RIMS2: variants seen among roughly 807,000 people sequenced by gnomAD.
The protein encoded by RIMS2 is regulating synaptic membrane exocytosis protein 2.
RIMS2 carries 59 observed loss-of-function variants against 174.4 expected under a neutral mutation model. That is an observed-to-expected ratio of 0.34 (90% confidence interval 0.27 to 0.42). The LOEUF (loss-of-function observed/expected upper bound fraction) is 0.42, where lower values mean the gene tolerates loss of function less well. Ranked by LOEUF, RIMS2 falls within the 10% of genes least tolerant of loss-of-function variation. The probability of loss-of-function intolerance (pLI) is 1.00; values close to 1 mark genes in which losing one functional copy is unlikely to be tolerated. For missense variants in RIMS2, 1,620 were observed against 1,666.3 expected, an observed-to-expected ratio of 0.97 and a Z score of 0.48; for synonymous variants, 606 against 572.5, an observed-to-expected ratio of 1.06 and a Z score of -0.84.
intron 19 of RIMS2, among the ~76,000 whole-genome samples, chr8:104,213,743 G>A (rs1009310381): frequency 3.9e-5 from 6 of 151,992 alleles, no homozygotes; most frequent in Admixed American, 1.3e-4. Context: ...TGGGCGTGGT[G>A]GCACGCGCCT....
chr8:104,016,385 A>G (rs1247764357), intron 19 of RIMS2, among the ~76,000 whole-genome samples: 2 of 152,000 alleles, frequency 1.3e-5, no homozygotes, highest in African/African-American at 4.8e-5. Flanking sequence ...GAGCAGCAAT[A>G]TTTTATACCC....
chr8:103,967,485 T>C (rs2154546908), intron 15 of RIMS2, among the ~76,000 whole-genome samples: 1 of 152,030 alleles, frequency 6.6e-6, no homozygotes, highest in East Asian at 2.0e-4. Context: ...TGAACCACCA[T>C]GCCCAGCCTG....
At chr8:104,071,720 G>A (rs547171876) in intron 19 of RIMS2, among the ~76,000 whole-genome samples, 48 of 152,238 alleles carry the variant, frequency 3.2e-4, no homozygotes, top group African/African-American at 8.9e-4. Flanking sequence ...ACAGGCATGA[G>A]CCACCACGCC....
chr8:103,583,117 A>G (rs1025848786), intron 1 of RIMS2, among the ~76,000 whole-genome samples: 4 of 152,210 alleles, frequency 2.6e-5, no homozygotes, highest in Admixed American at 6.5e-5. Flanking sequence ...GTTTGGGAGA[A>G]AGACAAGAGA....
At chr8:103,792,040 G>A (rs1188162763) in intron 3 of RIMS2, among the ~76,000 whole-genome samples, 3 of 152,132 alleles carry the variant, frequency 2.0e-5, no homozygotes, top group Non-Finnish European at 4.4e-5. Flanking sequence ...AGGATATCCA[G>A]GAATTGAACT....
At chr8:104,033,121 G>A (rs1468597910) in intron 19 of RIMS2, among the ~76,000 whole-genome samples, 1 of 151,842 alleles carries the variant, frequency 6.6e-6, no homozygotes, top group Non-Finnish European at 1.5e-5. Flanking sequence ...AGTACCTACT[G>A]AAAATGTAAT....
At chr8:103,746,898 TCTCGA>T (rs1052475717) in intron 2 of RIMS2, among the ~76,000 whole-genome samples, 7 of 151,980 alleles carry the variant, frequency 4.6e-5, no homozygotes, top group African/African-American at 1.7e-4. Flanking sequence ...GCCAGGTTGG[TCTCGA>T]TGTCCTGACC....
intron 1 of RIMS2, among the ~76,000 whole-genome samples, chr8:103,517,930 A>AT (rs796420516): frequency 6.6e-6 from 1 of 151,374 alleles, no homozygotes; most frequent in African/African-American, 2.4e-5. Flanking sequence ...CTAAAAAAAA[A>AT]AAATTGCAAA....
chr8:104,174,189 C>T (rs1343710714), intron 19 of RIMS2, among the ~76,000 whole-genome samples: 1 of 152,064 alleles, frequency 6.6e-6, no homozygotes, highest in Non-Finnish European at 1.5e-5. Context: ...TCAGGTGATC[C>T]ATCCGCTTCA....
At chr8:104,197,141 T>G (rs2099028766) in intron 19 of RIMS2, among the ~76,000 whole-genome samples, 1 of 152,134 alleles carries the variant, frequency 6.6e-6, no homozygotes, top group African/African-American at 2.4e-5. Context: ...TAGGTTGAAT[T>G]TATTGTATTT....
At chr8:103,663,939 T>C (rs1183013780) in intron 1 of RIMS2, among the ~76,000 whole-genome samples, 2 of 152,148 alleles carry the variant, frequency 1.3e-5, no homozygotes, top group African/African-American at 4.8e-5. Flanking sequence ...AACAGTTATG[T>C]AGACCAATGG....
intron 1 of RIMS2, among the ~76,000 whole-genome samples, chr8:103,520,940 C>T (rs1831355161): frequency 6.6e-6 from 1 of 151,700 alleles, no homozygotes; most frequent in African/African-American, 2.4e-5. Flanking sequence ...AGTTTTTATC[C>T]TTGCGATAGT....
intron 3 of RIMS2, among the ~76,000 whole-genome samples, chr8:103,846,626 G>A (rs558853076): frequency 3.5e-4 from 53 of 152,208 alleles, no homozygotes; most frequent in Non-Finnish European, 6.0e-4. Flanking sequence ...CCAGATAAAG[G>A]AGATTTGGAT....
rs182556768 is a variant in RIMS2, at chr8:103,874,509, T to G, written c.699-10789T>G. 1.1e-4 allele frequency among the ~76,000 whole-genome samples: 16 copies of G among 152,148 alleles called. No individual in the cohort carries two copies. The East Asian group carries it at 3.1e-3, about 29-fold the overall frequency. On this transcript the variant is annotated intron_variant, in intron 3 of 23. Transcript: ENST00000504942. ...CTTCATTCAAAAGACTAAGTAACCCTAAAAGTCACCTACTTTTAGCTTGTA... is the reference window on the plus strand; with the variant it reads ...CTTCATTCAAAAGACTAAGTAACCCGAAAAGTCACCTACTTTTAGCTTGTA...
chr8:103,753,698 T>G (rs1186646288), intron 2 of RIMS2, among the ~76,000 whole-genome samples: 1 of 152,204 alleles, frequency 6.6e-6, no homozygotes, highest in East Asian at 1.9e-4. Context: ...TCTTCTTGAT[T>G]TTCTAATGTA....
intron 11 of RIMS2, among the ~76,000 whole-genome samples, chr8:103,928,876 G>A (rs2079309253): frequency 6.6e-6 from 1 of 151,166 alleles, no homozygotes; most frequent in African/African-American, 2.4e-5. Flanking sequence ...TTATATTTGG[G>A]GGAATCAACA....
chr8:104,252,957 G>A (rs1244247752), downstream of RIMS2: 2 of 152,104 alleles, frequency 1.3e-5, no homozygotes, highest in African/African-American at 2.4e-5. Context: ...ATTCAGAGCT[G>A]TAGATGCCTC....
intron 19 of RIMS2, among the ~76,000 whole-genome samples, chr8:104,118,265 T>A (rs1207762395): frequency 6.6e-6 from 1 of 152,044 alleles, no homozygotes; most frequent in East Asian, 1.9e-4. Flanking sequence ...TATAAGAATT[T>A]CTTAGGCAAA....
intron 3 of RIMS2, among the ~76,000 whole-genome samples, chr8:103,830,591 A>T (rs993214168): frequency 6.6e-6 from 1 of 152,090 alleles, no homozygotes; most frequent in Non-Finnish European, 1.5e-5. Context: ...TACTTGCTGG[A>T]TGTTGTGGTC....
Sources: gnomAD v4.1 joint callset for allele counts (sites outside exome capture counted in the v4.1 genomes callset) on GRCh38, gnomAD v4.1.1 for gene constraint, MANE v1.5 for transcripts, NCBI Gene and HGNC (gene_info 2026-07-23, HGNC 2026-07-21) for gene names.